Variants in CRYBA4 observed in about 807,000 individuals in gnomAD.
The protein encoded by CRYBA4 is crystallin beta A4, also known as beta-crystallin A4.
A neutral mutation model predicts 31.7 loss-of-function variants in CRYBA4; 30 were observed. The ratio of observed to expected loss-of-function variants is 0.95; its 90% CI spans 0.71 to 1.28. The LOEUF (loss-of-function observed/expected upper bound fraction) is 1.28. Ranked by LOEUF, CRYBA4 falls within the 50% of genes most tolerant of loss-of-function variation. The pLI, the probability that CRYBA4 is intolerant of heterozygous loss-of-function variation, is 0.00. For missense variants in CRYBA4, 225 were observed against 260.7 expected (o/e 0.86, Z 0.94); for synonymous variants, 102 against 102.3 (o/e 1.00, Z 0.02).
intron 3 of CRYBA4, among the ~76,000 whole-genome samples, chr22:26,625,103 C>G (rs1050595107): frequency 7.2e-5 from 11 of 152,176 alleles, no homozygotes; most frequent in African/African-American, 2.7e-4. Flanking sequence ...TGGACACGGA[C>G]GGAGGAGCAA....
the CRYBA4 span, chr22:26,599,761 T>G: frequency 3.0e-6 from 3 of 1,011,658 alleles, no homozygotes; most frequent in Non-Finnish European, 4.7e-6. Context: ...TGTCCTTCAT[T>G]GATCCCTGCA....
In CRYBA4 at chr22:26,627,389, T is replaced by C. The variant is rs1013698517; in HGVS notation, c.301-899T>C. Among the ~76,000 whole-genome samples the C allele has an allele frequency of 5.0e-4, 40 of 79,956 alleles. 2 individuals carry two copies. The highest frequency in any genetic ancestry group is 3.2e-3 in the African/African-American group (36 of 11,270). The allele number at this position is 79,956 out of a possible 152,430, so 52.5% of individuals were successfully genotyped here. On this transcript the variant is annotated intron_variant, in intron 4 of 5. Transcript: ENST00000354760. ...CTTTCTTTCTTTCTTTCTTTCTTTCTTTCTTTCTTTCTTTCTTTCTTTCTT... is the reference window on the plus strand; with the variant it reads ...CTTTCTTTCTTTCTTTCTTTCTTTCCTTCTTTCTTTCTTTCTTTCTTTCTT...
chr22:26,598,180 G>T, the CRYBA4 span, among the ~76,000 whole-genome samples: 2 of 152,134 alleles, frequency 1.3e-5, no homozygotes, highest in Admixed American at 6.6e-5. Flanking sequence ...ACCGCACCCG[G>T]TCCTCTTTCA....
chr22:26,619,937 A>G (rs567965241), upstream of CRYBA4, among the ~76,000 whole-genome samples: 1 of 150,954 alleles, frequency 6.6e-6, no homozygotes, highest in African/African-American at 2.4e-5. Context: ...TGTATCCTTC[A>G]TTATATCTTT....
At chr22:26,608,051 A>G in the CRYBA4 span, 1 of 1,614,048 alleles carries the variant, frequency 6.2e-7, no homozygotes, top group Non-Finnish European at 8.5e-7. Context: ...TGAGGCAGAC[A>G]GGAGACATAT....
upstream of CRYBA4, among the ~76,000 whole-genome samples, chr22:26,619,756 G>A (rs1193350343): frequency 6.6e-6 from 1 of 152,184 alleles, no homozygotes; most frequent in African/African-American, 2.4e-5. Flanking sequence ...GGGCCAAGAC[G>A]CCTGTGGTGA....
chr22:26,617,533 G>A (rs890403969), upstream of CRYBA4, among the ~76,000 whole-genome samples: 2 of 152,080 alleles, frequency 1.3e-5, no homozygotes, highest in African/African-American at 4.8e-5. Flanking sequence ...CACTCCCCCA[G>A]GGCTGGCAGC....
the CRYBA4 span, among the ~76,000 whole-genome samples, chr22:26,603,231 C>A: frequency 6.6e-6 from 1 of 151,690 alleles, no homozygotes; most frequent in African/African-American, 2.4e-5. Context: ...GTTTGTTCAT[C>A]TGTAGAATGG....
chr22:26,624,725 C>G (rs771444485), intron 3 of CRYBA4, among the ~76,000 whole-genome samples: 1 of 152,204 alleles, frequency 6.6e-6, no homozygotes, highest in Non-Finnish European at 1.5e-5. Context: ...CTTATACAGA[C>G]AGTAAAGGCA....
At chr22:26,598,340 C>G in the CRYBA4 span, among the ~76,000 whole-genome samples, 1 of 151,874 alleles carries the variant, frequency 6.6e-6, no homozygotes, top group Non-Finnish European at 1.5e-5. Context: ...CTTTCTCTCT[C>G]TCTCCTTTCC....
At chr22:26,614,864 A>C in the CRYBA4 span, among the ~76,000 whole-genome samples, 1 of 152,162 alleles carries the variant, frequency 6.6e-6, no homozygotes, top group Non-Finnish European at 1.5e-5. Flanking sequence ...ATACATGTGT[A>C]TGTGTGTATA....
the CRYBA4 span, among the ~76,000 whole-genome samples, chr22:26,608,411 G>C: frequency 6.9e-6 from 1 of 145,818 alleles, no homozygotes; most frequent in Admixed American, 7.2e-5. Context: ...ACGCCAGCTA[G>C]GAGAAAGGCT....
chr22:26,607,781 C>T, the CRYBA4 span: 15 of 1,485,884 alleles, frequency 1.0e-5, no homozygotes, highest in African/African-American at 4.1e-5. Flanking sequence ...GAGGCTGCCA[C>T]GCCTCCCTAC....
chr22:26,628,244 C>T, intron 4 of CRYBA4, 44 bp from the exon 5 acceptor site: 1 of 1,613,386 alleles, frequency 6.2e-7, no homozygotes, highest in Non-Finnish European at 8.5e-7. Flanking sequence ...CCTGGGTTTC[C>T]AACTGGGAGC....
the CRYBA4 span, among the ~76,000 whole-genome samples, chr22:26,597,680 A>C: frequency 2.6e-5 from 4 of 152,330 alleles, no homozygotes; most frequent in Non-Finnish European, 5.9e-5. Flanking sequence ...AATCAATATT[A>C]ACTGTTGATA....
At chr22:26,627,416 CTT>C (rs1439547289) in intron 4 of CRYBA4, among the ~76,000 whole-genome samples, 3 of 78,362 alleles carry the variant, frequency 3.8e-5, no homozygotes, top group East Asian at 5.1e-4. Context: ...TTCTTTCTTT[CTT>C]TCTTTCTTTT....
the CRYBA4 span, chr22:26,612,187 C>G: frequency 1.9e-6 from 3 of 1,611,016 alleles, no homozygotes; most frequent in Non-Finnish European, 2.5e-6. Context: ...TCGAAGACCA[C>G]CAGCTGCAGG....
In CRYBA4 at chr22:26,628,390, G is replaced by T. The variant is rs767172613; in HGVS notation, c.403G>T (p.Glu135Ter). The change falls in exon 5 of 6, where the codon GAA (glutamate) becomes TAA (stop). Residue 135 changes from glutamate to a stop codon, truncating the protein, a stop_gained. Transcript: ENST00000354760. LOFTEE classifies it high-confidence loss of function. The part of the protein sequence containing the change: ...DYPSLQAMGW[E>*]GNEVGSFHVH... ...TCCTTCCCTCCAGGCCATGGGATGGGAAGGCAATGAAGTAGGGTCCTTCCA... is the reference window on the plus strand; with the variant it reads ...TCCTTCCCTCCAGGCCATGGGATGGTAAGGCAATGAAGTAGGGTCCTTCCA... The T allele has an allele frequency of 2.5e-6, 4 of 1,614,086 alleles. No homozygotes were observed. In the East Asian group the frequency reaches 8.9e-5, roughly 36 times the overall value.
At chr22:26,612,159 C>T in the CRYBA4 span, 1 of 1,613,802 alleles carries the variant, frequency 6.2e-7, no homozygotes, top group Non-Finnish European at 8.5e-7. Context: ...TGCTCGACGG[C>T]CCTGGAAGTT....
Sources: gnomAD v4.1 joint callset for allele counts (sites outside exome capture counted in the v4.1 genomes callset) on GRCh38, gnomAD v4.1.1 for gene constraint, MANE v1.5 for transcripts, NCBI Gene and HGNC (gene_info 2026-07-23, HGNC 2026-07-21) for gene names.